The following NLGN1 variants were observed in gnomAD, a reference collection of about 807,000 sequenced individuals.
NLGN1 encodes neuroligin-1.
Under a neutral mutation model 65.5 loss-of-function variants are expected in NLGN1, and 12 were observed. The ratio of observed to expected loss-of-function variants is 0.18; its 90% CI spans 0.12 to 0.30. The LOEUF (loss-of-function observed/expected upper bound fraction) is 0.30, where lower values mean the gene tolerates loss of function less well. Among genes scored for constraint, NLGN1 ranks in the 10% least tolerant of loss-of-function variants. The pLI, the probability that NLGN1 is intolerant of heterozygous loss-of-function variation, is 1.00. For missense variants in NLGN1, 750 were observed against 1,007.1 expected (o/e 0.74, Z 3.46); for synonymous variants, 350 against 359.5 (o/e 0.97, Z 0.30).
intron 4 of NLGN1, among the ~76,000 whole-genome samples, chr3:174,160,994 T>C (rs1726400389): frequency 6.6e-6 from 1 of 151,858 alleles, no homozygotes; most frequent in African/African-American, 2.4e-5. Context: ...TGTTTTCAAT[T>C]ATATTGACTT....
rs1756622960 is a variant in NLGN1, at chr3:173,636,543, G to A, written c.493+31452G>A. On this transcript the variant is annotated intron_variant, in intron 3 of 6. Transcript: ENST00000457714. ...CAGAGCACTCCTTATTCTACTCTTA[G>A]CATATCGTTTTTTTTTGCTCTTCAG... Among the ~76,000 whole-genome samples the A allele has an allele frequency of 1.3e-5, 2 of 151,602 alleles. 1 individual carries two copies. The highest frequency in any genetic ancestry group is 4.2e-4 in the South Asian group (2 of 4,802).
At chr3:173,952,383 G>A (rs1263752484) in intron 4 of NLGN1, among the ~76,000 whole-genome samples, 2 of 152,186 alleles carry the variant, frequency 1.3e-5, no homozygotes, top group Non-Finnish European at 2.9e-5. Context: ...CAAGAGGTGA[G>A]ACAAGGAATA....
chr3:174,019,126 CA>C (rs1337717684), intron 4 of NLGN1, among the ~76,000 whole-genome samples: 1 of 152,046 alleles, frequency 6.6e-6, no homozygotes, highest in Admixed American at 6.6e-5. Flanking sequence ...TGAATTTAGG[CA>C]AGCAAATATA....
At chr3:173,854,547 T>A (rs1040648508) in intron 4 of NLGN1, among the ~76,000 whole-genome samples, 1 of 152,010 alleles carries the variant, frequency 6.6e-6, no homozygotes. Context: ...AGATAATGAA[T>A]AGCCTATTTA....
chr3:173,456,758 G>A (rs535742811), intron 2 of NLGN1, among the ~76,000 whole-genome samples: 1 of 152,250 alleles, frequency 6.6e-6, no homozygotes, highest in South Asian at 2.1e-4. Context: ...GAAAGAATGA[G>A]AGTATTTACC....
chr3:174,130,884 G>A (rs1720047785), intron 4 of NLGN1, among the ~76,000 whole-genome samples: 1 of 152,150 alleles, frequency 6.6e-6, no homozygotes, highest in African/African-American at 2.4e-5. Flanking sequence ...CTACTTGCTA[G>A]CAATTGTGTA....
intron 4 of NLGN1, among the ~76,000 whole-genome samples, chr3:173,819,577 T>A (rs771569347): frequency 7.2e-5 from 11 of 152,178 alleles, no homozygotes; most frequent in Non-Finnish European, 1.6e-4. Flanking sequence ...TCTCAATCGT[T>A]GTAGCTCTAT....
chr3:173,506,154 C>T (rs1023467632), intron 2 of NLGN1, among the ~76,000 whole-genome samples: 1 of 151,828 alleles, frequency 6.6e-6, no homozygotes, highest in African/African-American at 2.4e-5. Flanking sequence ...CTGTTTTTTC[C>T]TTTGGCAAAA....
intron 4 of NLGN1, among the ~76,000 whole-genome samples, chr3:174,095,207 A>T (rs183045257): frequency 0.01 from 1,587 of 151,892 alleles, 14 homozygotes; most frequent in South Asian, 0.039. Flanking sequence ...TACCTGTGGA[A>T]GAAATTTTAA....
chr3:173,582,626 C>A (rs1383783959), intron 2 of NLGN1, among the ~76,000 whole-genome samples: 1 of 151,986 alleles, frequency 6.6e-6, no homozygotes, highest in Non-Finnish European at 1.5e-5. Flanking sequence ...ATTTCCTTAA[C>A]CCATTCTTTC....
intron 2 of NLGN1, among the ~76,000 whole-genome samples, chr3:173,555,743 A>G (rs1741607129): frequency 6.6e-6 from 1 of 152,144 alleles, no homozygotes; most frequent in Admixed American, 6.5e-5. Flanking sequence ...TGGCCTCTCA[A>G]AGTGCTGGGA....
At chr3:173,424,174 AGTTC>A (rs1715668878) in intron 1 of NLGN1, among the ~76,000 whole-genome samples, 1 of 152,134 alleles carries the variant, frequency 6.6e-6, no homozygotes, top group Admixed American at 6.5e-5. Context: ...CAGGGCACTA[AGTTC>A]TGAAGCTGCA....
intron 4 of NLGN1, among the ~76,000 whole-genome samples, chr3:174,119,585 C>T (rs1717309293): frequency 6.6e-6 from 1 of 152,140 alleles, no homozygotes; most frequent in Non-Finnish European, 1.5e-5. Flanking sequence ...ATAACACATG[C>T]TATTGTTAGA....
At chr3:173,560,671 TTTAG>T (rs1159044051) in intron 2 of NLGN1, among the ~76,000 whole-genome samples, 27 of 152,132 alleles carry the variant, frequency 1.8e-4, no homozygotes, top group African/African-American at 4.6e-4. Flanking sequence ...TGCAGAAAGT[TTTAG>T]TTAGTTCCGT....
intron 4 of NLGN1, among the ~76,000 whole-genome samples, chr3:174,020,097 A>G (rs1727437450): frequency 6.6e-6 from 1 of 152,142 alleles, no homozygotes; most frequent in African/African-American, 2.4e-5. Flanking sequence ...TTAAAAAGAT[A>G]AATAACTTGT....
At chr3:173,798,623 T>C (rs1453662876) in intron 3 of NLGN1, among the ~76,000 whole-genome samples, 2 of 152,092 alleles carry the variant, frequency 1.3e-5, no homozygotes, top group African/African-American at 4.8e-5. Flanking sequence ...TCAATTAATA[T>C]AAATTATTGC....
intron 3 of NLGN1, among the ~76,000 whole-genome samples, chr3:173,665,498 C>G (rs924811652): frequency 6.6e-6 from 1 of 152,054 alleles, no homozygotes; most frequent in Non-Finnish European, 1.5e-5. Context: ...AACTGTCGAG[C>G]CATTTAGACA....
chr3:173,396,711 G>A (rs202143246), upstream of NLGN1: 3 of 152,334 alleles, frequency 2.0e-5, no homozygotes, highest in East Asian at 5.8e-4. Context: ...GGAGCTTCCT[G>A]CGTCCGCCGA....
intron 4 of NLGN1, among the ~76,000 whole-genome samples, chr3:174,160,078 G>A (rs1385956726): frequency 2.0e-5 from 3 of 151,142 alleles, no homozygotes; most frequent in African/African-American, 4.9e-5. Context: ...TCTCTAGAAC[G>A]CCAAAATAAA....
Sources: gnomAD v4.1 joint callset for allele counts (sites outside exome capture counted in the v4.1 genomes callset) on GRCh38, gnomAD v4.1.1 for gene constraint, MANE v1.5 for transcripts, NCBI Gene and HGNC (gene_info 2026-07-23, HGNC 2026-07-21) for gene names.